PRCP: variants seen among roughly 807,000 people sequenced by gnomAD.
PRCP encodes the protein prolylcarboxypeptidase, also known as lysosomal Pro-X carboxypeptidase.
Under a neutral mutation model 54.2 loss-of-function variants are expected in PRCP, and 46 were observed. The observed-to-expected ratio is 0.85, with a 90% CI of 0.67 to 1.09. The LOEUF is 1.09. PRCP is among the 50% of genes least tolerant of loss of function. The pLI is 0.00. For synonymous variants in PRCP, 240 were observed against 212.2 expected, an observed-to-expected ratio of 1.13 and a Z score of -1.14; for missense variants, 613 against 596.8, an observed-to-expected ratio of 1.03 and a Z score of -0.28.
At chr11:82,835,914 C>T in intron 8 of PRCP, 1 of 397,768 alleles carries the variant, frequency 2.5e-6, no homozygotes, top group Non-Finnish European at 5.0e-6. Context: ...CAGCTCTAGC[C>T]GGGCGTGGTG....
At chr11:82,827,873 T>C (rs969161082) in intron 8 of PRCP, 1 of 152,208 alleles carries the variant, frequency 6.6e-6, no homozygotes, top group Non-Finnish European at 1.5e-5. Flanking sequence ...GTCATCTTAA[T>C]AGTATTAATT....
In PRCP at chr11:82,850,455, A is replaced by G; in HGVS notation, c.462T>C (p.Phe154=). The G allele has an allele frequency of 1.2e-6, 2 of 1,601,036 alleles. No individual in the cohort carries two copies. The highest frequency in any genetic ancestry group is 1.7e-5 in the Admixed American group (1 of 58,576). Residue 154 remains phenylalanine, a synonymous_variant, in exon 4 of 9, where the codon TTT becomes TTC. Transcript: ENST00000313010. ...TTTTCAAGTGTTTGATTAACTCTGC[A>G]AAATCAGCCAGAGCTTGTTCTGATG... ...FLTSEQALAD[F]AELIKHLKRT... is the part of the protein sequence containing the mutation.
intron 3 of PRCP, 148 bp downstream of exon 3, chr11:82,853,029 T>C (rs529756411): frequency 1.1e-5 from 6 of 533,608 alleles, no homozygotes; most frequent in Non-Finnish European, 1.9e-5. Context: ...TCTGTTCAAA[T>C]TGTATCTAAA....
At chr11:82,887,690 C>T (rs925182764) in intron 1 of PRCP, among the ~76,000 whole-genome samples, 1 of 152,088 alleles carries the variant, frequency 6.6e-6, no homozygotes, top group African/African-American at 2.4e-5. Context: ...AAACTAGGAC[C>T]CTTCTTCCTG....
At position 82,854,680 on chromosome 11, in the gene PRCP, C is replaced by CA. The variant is rs150587122; in HGVS notation, c.310-1403dup. Among the ~76,000 whole-genome samples, 3 of 151,746 alleles carry CA rather than the reference C, an allele frequency of 2.0e-5. No individual in the cohort carries two copies. The East Asian group carries it at 5.8e-4, about 29-fold the overall frequency. On this transcript the variant is annotated intron_variant, in intron 2 of 8. Transcript: ENST00000313010. ...CTATTTTGAAATCCATATAAAACAA[C>CA]AACAAACAAACAAACAAAAAACTTG...
intron 6 of PRCP, among the ~76,000 whole-genome samples, chr11:82,846,970 AC>A (rs1270365694): frequency 6.6e-6 from 1 of 152,216 alleles, no homozygotes; most frequent in Non-Finnish European, 1.5e-5. Flanking sequence ...GCCTATTTTT[AC>A]AAATAAGTTA....
chr11:82,839,546 T>G, intron 6 of PRCP, 121 bp from the exon 7 acceptor site: 2 of 1,072,360 alleles, frequency 1.9e-6, no homozygotes, highest in South Asian at 3.0e-5. Context: ...AGCTACTAAC[T>G]GCAGTGTTTA....
intron 1 of PRCP, 133 bp downstream of exon 1, chr11:82,900,102 T>C (rs374820113): frequency 1.7e-6 from 2 of 1,169,780 alleles, no homozygotes; most frequent in Non-Finnish European, 2.4e-6. Context: ...TTCTGGAAGA[T>C]GTTAGCCAAA....
chr11:82,839,283 C>A lies in PRCP; in HGVS notation c.1064G>T (p.Gly355Val), dbSNP rs577429681. Residue 355 changes from glycine to valine, a missense_variant, in exon 7 of 9, where the codon GGA (glycine) becomes GTA (valine). Gly to Val is a moderately radical substitution (Grantham distance 109). Coordinates refer to ENST00000313010, the MANE Select transcript of PRCP (RefSeq NM_005040.4). ...NISETATSSL[G>V]TLGWSYQACT... is the part of the protein sequence containing the mutation. ...TACCTGATAGCTCCAACCCAGTGTT[C>A]CCAGACTGCTAGTTGCTGTCTCTGA... is the stretch of plus-strand genomic sequence containing the variant. 1.9e-6 allele frequency: 3 copies of A among 1,613,762 alleles called. No individual in the cohort carries two copies. In the South Asian group the frequency reaches 3.3e-5, roughly 18 times the overall value.
intron 6 of PRCP, chr11:82,843,305 C>CT: frequency 6.8e-6 from 1 of 146,054 alleles, no homozygotes; most frequent in Non-Finnish European, 1.5e-5. Context: ...GACTCCATCT[C>CT]TTAAAAAAAA....
intron 8 of PRCP, among the ~76,000 whole-genome samples, chr11:82,833,634 G>T (rs1029637498): frequency 2.6e-5 from 4 of 152,146 alleles, no homozygotes; most frequent in Admixed American, 2.0e-4. Context: ...GCAAGGTGAA[G>T]AGTGTACTTT....
intron 8 of PRCP, chr11:82,826,142 A>T (rs1287054426): frequency 6.6e-6 from 1 of 152,184 alleles, no homozygotes; most frequent in African/African-American, 2.4e-5. Context: ...CCTTGCTCTC[A>T]GCCTCAGGAA....
intron 1 of PRCP, among the ~76,000 whole-genome samples, chr11:82,891,665 C>T (rs1291646703): frequency 6.6e-6 from 1 of 152,148 alleles, no homozygotes; most frequent in Non-Finnish European, 1.5e-5. Context: ...ACACACCTAC[C>T]TCAGGGTTTT....
In PRCP at chr11:82,824,760, C is replaced by T. The variant is rs182549786; in HGVS notation, c.*146G>A. ...ACATTCATGGGACACTTGCTCTTAC[C>T]GTCATCACCCTCTATTCTATCTCAA... On this transcript the variant is annotated 3_prime_UTR_variant, in exon 9 of 9. Coordinates refer to ENST00000313010, the MANE Select transcript of PRCP (RefSeq NM_005040.4). 45 of 788,938 alleles carry T rather than the reference C, an allele frequency of 5.7e-5. No individual in the cohort carries two copies. In the Admixed American group the frequency reaches 7.8e-4, roughly 14 times the overall value. 48.9% of individuals were successfully genotyped at this position (788,938 alleles called of 1,614,324 possible).
chr11:82,892,446 C>T (rs1459092775), intron 1 of PRCP, among the ~76,000 whole-genome samples: 1 of 151,712 alleles, frequency 6.6e-6, no homozygotes, highest in African/African-American at 2.4e-5. Context: ...ATAAATTATC[C>T]CATTACATAC....
At chr11:82,896,866 T>A (rs1272144596) in intron 1 of PRCP, among the ~76,000 whole-genome samples, 1 of 151,940 alleles carries the variant, frequency 6.6e-6, no homozygotes, top group Non-Finnish European at 1.5e-5. Flanking sequence ...ATCTCTCTCA[T>A]AGAGAGAGAA....
At chr11:82,851,831 C>A (rs548827156) in intron 3 of PRCP, among the ~76,000 whole-genome samples, 1 of 152,078 alleles carries the variant, frequency 6.6e-6, no homozygotes, top group African/African-American at 2.4e-5. Flanking sequence ...TATATGCCAC[C>A]TACTCCTTTA....
In PRCP at chr11:82,853,265, T is replaced by C. The variant is rs1439189258; in HGVS notation, c.323A>G (p.Asp108Gly). The change falls in exon 3 of 9, where the codon GAT becomes GGT. Residue 108 changes from aspartate (D) to glycine (G), a missense_variant. Physicochemically the swap from Asp to Gly is moderately conservative, Grantham distance 94. Transcript: ENST00000313010. ...CATAGCTTTCAGTTCCTCAGCCACA[T>C]CCCACATGAACCCCTAAGAAGAGTT... ...WFCNNTGFMW[D>G]VAEELKAMLV... 1 of 1,611,652 alleles carries C rather than the reference T, an allele frequency of 6.2e-7. No individual in the cohort carries two copies. The highest frequency in any genetic ancestry group is 2.2e-5 in the East Asian group (1 of 44,824).
rs771243042 is a variant in PRCP at position 82,859,983 on chromosome 11, A to G, written c.303T>C (p.Asn101=). The part of the protein sequence containing the change: ...GNEGDIIWFC[N]NTGFMWDVAE... ...TTCATGAATCTGCACATACCGTGTT[A>G]TTACAAAACCAGATAATGTCCCCTT... Residue 101 remains asparagine (N), a synonymous_variant, in exon 2 of 9, where the codon AAT becomes AAC. Coordinates refer to ENST00000313010, the MANE Select transcript of PRCP (RefSeq NM_005040.4). 1 of 1,579,926 alleles carries G rather than the reference A, an allele frequency of 6.3e-7. No individual in the cohort carries two copies. The highest frequency in any genetic ancestry group is 8.6e-7 in the Non-Finnish European group (1 of 1,166,512).
Sources: allele counts gnomAD v4.1 joint callset (sites outside exome capture counted in the v4.1 genomes callset), GRCh38; gene constraint gnomAD v4.1.1; transcripts MANE v1.5; gene names NCBI Gene and HGNC (gene_info 2026-07-23, HGNC 2026-07-21).